ZKSCAN5: variants seen among roughly 807,000 people sequenced by gnomAD.
ZKSCAN5 encodes zinc finger protein with KRAB and SCAN domains 5.
Under a neutral mutation model 60.0 loss-of-function variants are expected in ZKSCAN5, and 28 were observed. That is an observed-to-expected ratio of 0.47 (90% CI 0.35 to 0.64). ZKSCAN5 has a LOEUF of 0.64. Ranked by LOEUF, ZKSCAN5 falls within the 30% of genes least tolerant of loss-of-function variation. ZKSCAN5 has a pLI of 0.01. For synonymous variants in ZKSCAN5, 361 were observed against 371.2 expected (o/e 0.97, Z 0.31); for missense variants, 881 against 1,034.6 (o/e 0.85, Z 2.04).
At chr7:99,517,212 T>C (rs765544781) in intron 3 of ZKSCAN5, among the ~76,000 whole-genome samples, 23 of 152,118 alleles carry the variant, frequency 1.5e-4, no homozygotes, top group African/African-American at 5.5e-4. Context: ...ATTATAGGCA[T>C]GTGCCACACA....
chr7:99,525,715 A>T, intron 5 of ZKSCAN5, 98 bp from the exon 6 acceptor site: 3 of 1,459,972 alleles, frequency 2.1e-6, no homozygotes, highest in Non-Finnish European at 2.8e-6. Flanking sequence ...AGAATCATGG[A>T]TCCCTAGCAC....
At chr7:99,522,331 A>C (rs901875079) in intron 5 of ZKSCAN5, among the ~76,000 whole-genome samples, 38 of 152,276 alleles carry the variant, frequency 2.5e-4, no homozygotes, top group African/African-American at 9.1e-4. Context: ...GTTGGGGAAC[A>C]AGAGATAGTT....
rs1584173197 is a variant in ZKSCAN5 at position 99,512,543 on chromosome 7, A to G, written c.505A>G (p.Thr169Ala). 1.9e-6 allele frequency: 3 copies of G among 1,614,148 alleles called. No individual in the cohort carries two copies. In the East Asian group the frequency reaches 6.7e-5, roughly 36 times the overall value. The change falls in exon 3 of 7, where the codon ACC becomes GCC. Residue 169 changes from threonine (T) to alanine (A), a missense_variant. By Grantham distance (58) the Thr-to-Ala change is moderately conservative. Around this residue, in one of 5 missense-constraint regions of ZKSCAN5, gnomAD observed 490 missense variants for 554.5 expected, o/e 0.88. Transcript: ENST00000326775. ...CAGCCCCCATCCCCTGACCGTGGACACCCAGCCTGAGCAAGCGCCACAGAA... is the reference window on the plus strand; with the variant it reads ...CAGCCCCCATCCCCTGACCGTGGACGCCCAGCCTGAGCAAGCGCCACAGAA... ...SCSPHPLTVDTQPEQAPQKPR... is the reference protein window; with the variant it reads ...SCSPHPLTVDAQPEQAPQKPR...
chr7:99,525,631 TC>T (rs1801743687), intron 5 of ZKSCAN5, among the ~76,000 whole-genome samples, 181 bp from the exon 6 acceptor site: 1 of 151,992 alleles, frequency 6.6e-6, no homozygotes, highest in African/African-American at 2.4e-5. Context: ...TGCCAGCTCT[TC>T]CTTCCCTAAC....
chr7:99,518,747 C>T (rs1419952955), intron 3 of ZKSCAN5, among the ~76,000 whole-genome samples: 1 of 135,578 alleles, frequency 7.4e-6, no homozygotes, highest in Non-Finnish European at 1.5e-5. Context: ...GTGATCTCGG[C>T]TCATTGCAAC....
intron 5 of ZKSCAN5, among the ~76,000 whole-genome samples, chr7:99,520,899 C>T (rs1479931594): frequency 6.6e-6 from 1 of 152,110 alleles, no homozygotes; most frequent in Admixed American, 6.6e-5. Context: ...ACTTGGAGGA[C>T]TTCATTACCA....
intron 6 of ZKSCAN5, among the ~76,000 whole-genome samples, chr7:99,528,204 G>A (rs1281104074): frequency 6.7e-6 from 1 of 148,812 alleles, no homozygotes. Flanking sequence ...TCAGTAAAGT[G>A]TCTTTAAAGT....
At chr7:99,517,644 A>G (rs1256148184) in intron 3 of ZKSCAN5, among the ~76,000 whole-genome samples, 1 of 148,732 alleles carries the variant, frequency 6.7e-6, no homozygotes, top group Non-Finnish European at 1.5e-5. Flanking sequence ...TTGTATCACT[A>G]CACTTCAGCC....
intron 3 of ZKSCAN5, 21 bp downstream of exon 3, chr7:99,512,612 G>T: frequency 6.2e-7 from 1 of 1,611,352 alleles, no homozygotes; most frequent in Non-Finnish European, 8.5e-7. Flanking sequence ...GTGATTCAGT[G>T]GAACTGATAT....
chr7:99,533,457 A>G lies in ZKSCAN5; in HGVS notation c.*1208A>G, dbSNP rs2151122605. On this transcript the variant is annotated 3_prime_UTR_variant, in exon 7 of 7. Coordinates refer to ENST00000326775, the MANE Select transcript of ZKSCAN5 (RefSeq NM_145102.4). Reference sequence around the variant, plus strand: ...AATGCCCAATAAATATTTGTTGACCATATGTGTTGTACACTGTGGTGCCCT... The same window carrying G: ...AATGCCCAATAAATATTTGTTGACCGTATGTGTTGTACACTGTGGTGCCCT... 1.9e-6 allele frequency: 1 copy of G among 534,528 alleles called. No homozygotes were observed. The highest frequency in any genetic ancestry group is 3.4e-6 in the Non-Finnish European group (1 of 293,932). 33.1% of individuals were successfully genotyped at this position (534,528 alleles called of 1,614,324 possible).
intron 6 of ZKSCAN5, among the ~76,000 whole-genome samples, chr7:99,527,039 A>C (rs1801824068): frequency 6.6e-6 from 1 of 152,140 alleles, no homozygotes; most frequent in Non-Finnish European, 1.5e-5. Flanking sequence ...TTATTTTAAA[A>C]CAATAGCCTG....
chr7:99,520,411 CTT>C, intron 5 of ZKSCAN5, 107 bp downstream of exon 5: 1 of 1,357,670 alleles, frequency 7.4e-7, no homozygotes, highest in Non-Finnish European at 9.8e-7. Flanking sequence ...TGTGCTATGA[CTT>C]TGCTTTTTTT....
chr7:99,505,583 C>T (rs1800683914), intron 1 of ZKSCAN5: 1 of 162,218 alleles, frequency 6.2e-6, no homozygotes, highest in African/African-American at 2.4e-5. Context: ...GCTTAGAGAA[C>T]AGGCTCAGTT....
Position 99,512,467 on chromosome 7 carries a change from TGATGTGCTTCCTCG to T in ZKSCAN5, c.432_445del (p.Asp144GlufsTer24). On this transcript the variant is annotated frameshift_variant, in exon 3 of 7. Transcript: ENST00000326775. LOFTEE classifies it high-confidence loss of function. ...GTGGTTGTTAGATTGTTGCCTGCCC[TGATGTGCTTCCTCG>T]GAAGATGGCAACACCTGGAGCAGTG... 6.2e-7 allele frequency: 1 copy of T among 1,613,742 alleles called. No homozygotes were observed. The highest frequency in any genetic ancestry group is 8.5e-7 in the Non-Finnish European group (1 of 1,179,790).
chr7:99,528,054 G>C (rs910022728), intron 6 of ZKSCAN5, among the ~76,000 whole-genome samples: 3 of 151,432 alleles, frequency 2.0e-5, no homozygotes, highest in Admixed American at 6.6e-5. Flanking sequence ...CATAAACTGT[G>C]CTGTGAACTT....
At chr7:99,521,525 T>C (rs1273791181) in intron 5 of ZKSCAN5, among the ~76,000 whole-genome samples, 2 of 152,184 alleles carry the variant, frequency 1.3e-5, no homozygotes, top group Non-Finnish European at 2.9e-5. Flanking sequence ...TTGAAAAACA[T>C]TATGTCAGTT....
At chr7:99,528,432 G>A (rs561115096) in intron 6 of ZKSCAN5, among the ~76,000 whole-genome samples, 1 of 152,040 alleles carries the variant, frequency 6.6e-6, no homozygotes, top group Non-Finnish European at 1.5e-5. Context: ...GGGCGGGGGC[G>A]TTTTTGTATT....
At chr7:99,507,626 G>A (rs904499899) in intron 2 of ZKSCAN5, among the ~76,000 whole-genome samples, 14 of 149,748 alleles carry the variant, frequency 9.3e-5, no homozygotes, top group African/African-American at 2.2e-4. Context: ...TAGGCTGGGC[G>A]CAGTGGCTCA....
intron 3 of ZKSCAN5, among the ~76,000 whole-genome samples, chr7:99,514,949 A>T (rs1263679348): frequency 1.3e-5 from 2 of 151,432 alleles, no homozygotes; most frequent in Non-Finnish European, 2.9e-5. Context: ...GCATGGTGGC[A>T]CACGCCTGTG....
Sources: gnomAD v4.1 joint callset for allele counts (sites outside exome capture counted in the v4.1 genomes callset) on GRCh38, gnomAD v4.1.1 for gene constraint, gnomAD v4.1.1 regional missense constraint, MANE v1.5 for transcripts, NCBI Gene and HGNC (gene_info 2026-07-23, HGNC 2026-07-21) for gene names.